Variants in ASPA observed in about 807,000 individuals in gnomAD.
The protein encoded by ASPA is ACY-2.
ASPA carries 25 observed loss-of-function variants against 29.6 expected under a neutral mutation model. The ratio of observed to expected loss-of-function variants is 0.85; its 90% confidence interval spans 0.62 to 1.18. ASPA has a LOEUF of 1.18. Among genes scored for constraint, ASPA ranks in the 50% most tolerant of loss-of-function variants. The probability of loss-of-function intolerance (pLI) is 0.00; values close to 1 mark genes in which losing one functional copy is unlikely to be tolerated. For missense variants in ASPA, 333 were observed against 385.7 expected (o/e 0.86, Z 1.14); for synonymous variants, 131 against 130.3 (o/e 1.01, Z -0.04).
At chr17:3,492,806 A>G (rs73977747) in intron 4 of ASPA, among the ~76,000 whole-genome samples, 3,533 of 152,290 alleles carry the variant, frequency 0.023, 131 homozygotes, top group African/African-American at 0.079. Flanking sequence ...TCCAGCCTCC[A>G]GGTGAGCTGT....
chr17:3,483,701 C>T, intron 3 of ASPA, 109 bp downstream of exon 3: 2 of 1,114,822 alleles, frequency 1.8e-6, no homozygotes, highest in South Asian at 2.6e-5. Context: ...CTTGCTCTGT[C>T]ACCCAGGCTG....
At chr17:3,491,371 C>T (rs1422737198) in intron 4 of ASPA, among the ~76,000 whole-genome samples, 3 of 151,942 alleles carry the variant, frequency 2.0e-5, no homozygotes, top group Non-Finnish European at 4.4e-5. Flanking sequence ...ATTCTGAGTC[C>T]GTAATCCAGG....
rs2228435 is a variant in ASPA at position 3,483,526 on chromosome 17, G to A, written c.460G>A (p.Val154Ile). 3.2e-5 allele frequency: 51 copies of A among 1,613,870 alleles called. No individual in the cohort carries two copies. Among genetic ancestry groups the A allele is most frequent in the African/African-American group, 2.1e-4 (16 of 74,860 alleles). Reference sequence around the variant, plus strand: ...TTCTCTGGCTCCACTACCCTGCTACGTTTATCTGATTGAGCATCCTTCCCT... The same window carrying A: ...TTCTCTGGCTCCACTACCCTGCTACATTTATCTGATTGAGCATCCTTCCCT... Reference protein sequence around the residue: ...KTSLAPLPCYVYLIEHPSLKY... With the variant: ...KTSLAPLPCYIYLIEHPSLKY... Residue 154 changes from valine to isoleucine, a missense_variant, in exon 3 of 6, where the codon GTT (valine) becomes ATT (isoleucine). By Grantham distance (29) the Val-to-Ile change is conservative. Transcript: ENST00000263080.
At chr17:3,493,983 G>A (rs980230271) in intron 4 of ASPA, among the ~76,000 whole-genome samples, 2 of 151,318 alleles carry the variant, frequency 1.3e-5, no homozygotes, top group African/African-American at 4.9e-5. Flanking sequence ...TTTTGTTATT[G>A]TTGCTGTTGT....
chr17:3,479,615 G>A (rs932853214), intron 1 of ASPA, among the ~76,000 whole-genome samples: 1 of 151,792 alleles, frequency 6.6e-6, no homozygotes, highest in Non-Finnish European at 1.5e-5. Flanking sequence ...CCATCTCAAC[G>A]TGGCCCTTTC....
Position 3,488,322 on chromosome 17 carries a change from A to G in ASPA, c.527-913A>G, listed in dbSNP as rs2073763123. 6.6e-6 allele frequency among the ~76,000 whole-genome samples: 1 copy of G among 152,220 alleles called. No homozygotes were observed. Among genetic ancestry groups the G allele is most frequent in the Non-Finnish European group, 1.5e-5 (1 of 68,042 alleles). ...GACCTAATAGTACAGGCATCATTTC[A>G]TATGAGTTAGAAGAAATGAACACAA... On this transcript the variant is annotated intron_variant, in intron 3 of 5. Transcript: ENST00000263080. This position sits in a 1 kb window ranked among gnomAD's most constrained non-coding sequence, Gnocchi z 6.1.
rs140619892 is a variant in ASPA, at chr17:3,490,501, G to C, written c.634+1159G>C. On this transcript the variant is annotated intron_variant, in intron 4 of 5. Transcript: ENST00000263080. The surrounding 1 kb of genome is among the most constrained non-coding windows in gnomAD (Gnocchi z 4.6). ...TAATAACAGAGGGGGTGTGTACTTC[G>C]GTGTCTGTGGGGAGTGAATTCCTCA... 6.6e-6 allele frequency among the ~76,000 whole-genome samples: 1 copy of C among 151,928 alleles called. No homozygotes were observed. The highest frequency in any genetic ancestry group is 2.4e-5 in the African/African-American group (1 of 41,356).
intron 1 of ASPA, among the ~76,000 whole-genome samples, chr17:3,476,839 A>C (rs930742022): frequency 1.3e-5 from 2 of 152,234 alleles, no homozygotes; most frequent in African/African-American, 2.4e-5. Context: ...AGTTCAAAAA[A>C]TGTAATGTTT....
intron 4 of ASPA, among the ~76,000 whole-genome samples, chr17:3,493,560 C>CAAAAA (rs746229421): frequency 1.2e-4 from 7 of 56,370 alleles, no homozygotes; most frequent in Non-Finnish European, 1.8e-4. Flanking sequence ...GGTTCCATCT[C>CAAAAA]AAAAAAAAAA....
intron 3 of ASPA, among the ~76,000 whole-genome samples, chr17:3,487,039 T>G (rs1017478827): frequency 2.7e-5 from 4 of 149,246 alleles, no homozygotes; most frequent in African/African-American, 5.0e-5. Context: ...CTTTCCCATA[T>G]TTGTGTGTGT....
chr17:3,478,587 G>A (rs2073572518), intron 1 of ASPA, among the ~76,000 whole-genome samples: 1 of 152,204 alleles, frequency 6.6e-6, no homozygotes, highest in Admixed American at 6.5e-5. Flanking sequence ...CCAAATAGGT[G>A]TGAAATGGAC....
chr17:3,478,184 CA>C (rs1015063984), intron 1 of ASPA, among the ~76,000 whole-genome samples: 51 of 139,188 alleles, frequency 3.7e-4, no homozygotes, highest in East Asian at 3.3e-3. Context: ...GACTCCGTCT[CA>C]AAAAAAAAAA....
chr17:3,481,349 C>T (rs1360681302), intron 1 of ASPA, among the ~76,000 whole-genome samples: 1 of 152,178 alleles, frequency 6.6e-6, no homozygotes, highest in Non-Finnish European at 1.5e-5. Flanking sequence ...TTGATATGTC[C>T]TATTCATGAC....
intron 5 of ASPA, 43 bp from the exon 6 acceptor site, chr17:3,498,848 A>G (rs2073952518): frequency 6.9e-7 from 1 of 1,442,306 alleles, no homozygotes; most frequent in African/African-American, 1.4e-5. Flanking sequence ...TTTAGAGGAG[A>G]AAAACCAAAT....
rs2073520045 is a variant in ASPA at position 3,476,222 on chromosome 17, T to C, written c.63T>C (p.His21=). 2 of 1,614,140 alleles carry C rather than the reference T, an allele frequency of 1.2e-6. No homozygotes were observed. Among genetic ancestry groups the C allele is most frequent in the African/African-American group, 1.3e-5 (1 of 75,056 alleles). ...AGGTTGCTATCTTTGGAGGAACCCA[T>C]GGGAATGAGCTAACCGGAGTATTTC... The part of the protein sequence containing the change: ...IQKVAIFGGT[H]GNELTGVFLV... Residue 21 remains histidine, a synonymous_variant, in exon 1 of 6, where the codon CAT becomes CAC. Coordinates refer to ENST00000263080, the MANE Select transcript of ASPA (RefSeq NM_000049.4).
rs752336086 is a variant in ASPA at position 3,498,965 on chromosome 17, C to T, written c.819C>T (p.Gly273=). The stretch of plus-strand genomic sequence containing the variant: ...TTGATGGGAAGACGATCCCACTGGG[C>T]GGAGACTGTACCGTGTACCCCGTGT... ...LTLDGKTIPL[G]GDCTVYPVFV... Residue 273 remains glycine (G), a synonymous_variant, in exon 6 of 6, where the codon GGC becomes GGT. Coordinates refer to ENST00000263080, the MANE Select transcript of ASPA (RefSeq NM_000049.4). 5.0e-5 allele frequency: 80 copies of T among 1,613,832 alleles called. No individual in the cohort carries two copies. The highest frequency in any genetic ancestry group is 8.9e-5 in the East Asian group (4 of 44,900).
chr17:3,493,053 T>G (rs1221356487), intron 4 of ASPA, among the ~76,000 whole-genome samples: 1 of 152,208 alleles, frequency 6.6e-6, no homozygotes, highest in African/African-American at 2.4e-5. Context: ...TCCTTTGAGT[T>G]GTGACCATAA....
rs2073968041 is a variant in ASPA, at chr17:3,499,744, TGTC to T, written c.*657_*659del. On this transcript the variant is annotated 3_prime_UTR_variant, in exon 6 of 6. Transcript: ENST00000263080. ...CTGCTCTACTGACCGGCCATTTCCT[TGTC>T]TCTCTCCCTGTCCTCTGGCCTCCCT... The T allele has an allele frequency of 6.6e-6, 1 of 152,296 alleles. No individual in the cohort carries two copies. The highest frequency in any genetic ancestry group is 2.4e-5 in the African/African-American group (1 of 41,444). 9.4% of individuals were successfully genotyped at this position (152,296 alleles called of 1,614,324 possible).
At chr17:3,486,022 T>C (rs920349018) in intron 3 of ASPA, among the ~76,000 whole-genome samples, 1 of 150,426 alleles carries the variant, frequency 6.6e-6, no homozygotes, top group African/African-American at 2.4e-5. Context: ...AACCTCCGCC[T>C]CCTGGGTTTA....
Sources: gnomAD v4.1 joint callset for allele counts (sites outside exome capture counted in the v4.1 genomes callset) on GRCh38, gnomAD v4.1.1 for gene constraint, Gnocchi (gnomAD v3.1) non-coding constraint, MANE v1.5 for transcripts, NCBI Gene and HGNC (gene_info 2026-07-23, HGNC 2026-07-21) for gene names.